DLEC1: variants seen among roughly 807,000 people sequenced by gnomAD.
The protein encoded by DLEC1 is deleted in lung and esophageal cancer protein 1.
In DLEC1, 146 loss-of-function variants were observed where a neutral mutation model predicts 198.1. The ratio of observed to expected loss-of-function variants is 0.74; its 90% CI spans 0.64 to 0.85. The LOEUF (loss-of-function observed/expected upper bound fraction) is 0.85, where lower values mean the gene tolerates loss of function less well. Ranked by LOEUF, DLEC1 falls within the 40% of genes least tolerant of loss-of-function variation. The pLI, the probability that DLEC1 is intolerant of heterozygous loss-of-function variation, is 0.00. For missense variants in DLEC1, 2,233 were observed against 2,220.0 expected, an observed-to-expected ratio of 1.01 and a Z score of -0.12; for synonymous variants, 897 against 866.8, an observed-to-expected ratio of 1.03 and a Z score of -0.61.
intron 6 of DLEC1, among the ~76,000 whole-genome samples, chr3:38,079,781 C>T (rs1697862241): frequency 6.6e-6 from 1 of 152,206 alleles, no homozygotes; most frequent in Non-Finnish European, 1.5e-5. Flanking sequence ...TGCCTGGCTG[C>T]TGCGGTTCAG....
intron 1 of DLEC1, among the ~76,000 whole-genome samples, chr3:38,042,552 C>CTTTTTTTT (rs71635860): frequency 1.9e-5 from 2 of 104,758 alleles, no homozygotes; most frequent in African/African-American, 3.7e-5. Flanking sequence ...ATGTTGCTGG[C>CTTTTTTTT]TTTTTTTTTT....
At chr3:38,091,241 A>G (rs1380093713) in intron 10 of DLEC1, among the ~76,000 whole-genome samples, 3 of 152,074 alleles carry the variant, frequency 2.0e-5, no homozygotes, top group African/African-American at 7.2e-5. Context: ...AGGTGGGAGG[A>G]TTTCTTGAGC....
intron 1 of DLEC1, among the ~76,000 whole-genome samples, chr3:38,044,608 C>G (rs1700801514): frequency 6.6e-6 from 1 of 152,084 alleles, no homozygotes; most frequent in Non-Finnish European, 1.5e-5. Context: ...GAAACAGGGT[C>G]TCACTGTGTT....
At chr3:38,063,970 T>A in intron 6 of DLEC1, 51 bp downstream of exon 6, 1 of 1,282,570 alleles carries the variant, frequency 7.8e-7, no homozygotes, top group Non-Finnish European at 1.1e-6. Context: ...TTCTTATTTT[T>A]AAAAAGTCTT....
chr3:38,064,007 C>CTTTTTTTTTTTTTTTTTTTG (rs71094947), intron 6 of DLEC1, 88 bp downstream of exon 6: 1 of 417,588 alleles, frequency 2.4e-6, no homozygotes, highest in Non-Finnish European at 3.7e-6. Flanking sequence ...TTTTTTTTTT[C>CTTTTTTTTTTTTTTTTTTTG]TTTTTTTTTT....
chr3:38,040,645 C>T (rs1414412169), intron 1 of DLEC1, among the ~76,000 whole-genome samples: 1 of 152,156 alleles, frequency 6.6e-6, no homozygotes, highest in African/African-American at 2.4e-5. Flanking sequence ...AGACCTTGCC[C>T]TTGAACTTCA....
At chr3:38,039,658 G>A (rs1339530664) in intron 1 of DLEC1, 22 bp downstream of exon 1, 1 of 1,580,138 alleles carries the variant, frequency 6.3e-7, no homozygotes, top group Non-Finnish European at 8.6e-7. Context: ...GTGGCGTCGC[G>A]TCTGCGGACG....
intron 15 of DLEC1, 116 bp downstream of exon 15, chr3:38,096,853 G>A (rs1699049445): frequency 6.2e-6 from 8 of 1,282,232 alleles, no homozygotes; most frequent in Admixed American, 2.3e-5. Flanking sequence ...TGGAGGCTGA[G>A]GCCATTCCCA....
rs747269230 is a variant in DLEC1 at position 38,085,296 on chromosome 3, A to C, written c.1284A>C (p.Gly428=). ...CAGGGATGTTCCCAGGAAAAGGTGG[A>C]ATGGTGGCTCCTGGAATGACCTGCC... is the stretch of plus-strand genomic sequence containing the variant. ...LGLGMFPGKG[G]MVAPGMTCQY... is the part of the protein sequence containing the mutation. Residue 428 remains glycine (G), a synonymous_variant, in exon 8 of 37, where the codon GGA becomes GGC. Transcript: ENST00000308059. The C allele has an allele frequency of 6.2e-7, 1 of 1,614,096 alleles. No individual in the cohort carries two copies. The highest frequency in any genetic ancestry group is 1.7e-5 in the Admixed American group (1 of 60,016).
chr3:38,061,707 G>T (rs182518516), intron 3 of DLEC1, among the ~76,000 whole-genome samples: 227 of 152,208 alleles, frequency 1.5e-3, no homozygotes, highest in Non-Finnish European at 2.2e-3. Flanking sequence ...TTGCTTTGTT[G>T]CCCAGGCTGG....
In DLEC1 at chr3:38,107,684, A is replaced by G; in HGVS notation, c.2965A>G (p.Thr989Ala). 1.2e-6 allele frequency: 2 copies of G among 1,614,070 alleles called. No homozygotes were observed. Among genetic ancestry groups the G allele is most frequent in the Non-Finnish European group, 1.7e-6 (2 of 1,179,998 alleles). The change falls in exon 20 of 37, where the codon ACC (threonine) becomes GCC (alanine). Residue 989 changes from threonine (T) to alanine (A), a missense_variant. Physicochemically the swap from Thr to Ala is moderately conservative, Grantham distance 58 (BLOSUM62 0). Coordinates refer to ENST00000308059, the MANE Select transcript of DLEC1 (RefSeq NM_007335.4). ...NLYLGVPTKT[T>A]ITLINGTLLP... is the part of the protein sequence containing the mutation. ...CTACCTGGGTGTGCCCACGAAGACA[A>G]CCATCACACTTATCAATGGCACGCT...
rs147324506 is a variant in DLEC1 at position 38,040,862 on chromosome 3, C to T, written c.411+1226C>T. On this transcript the variant is annotated intron_variant, in intron 1 of 36. Coordinates refer to ENST00000308059, the MANE Select transcript of DLEC1 (RefSeq NM_007335.4). ...ACATATTACAAATTTTTTTTTTTGA[C>T]AGAGTCTGGCTCTGTTGCCCAGGCT... Among the ~76,000 whole-genome samples the T allele has an allele frequency of 2.9e-3, 441 of 151,300 alleles. 4 individuals are homozygous for T. The highest frequency in any genetic ancestry group is 0.01 in the African/African-American group (425 of 41,206).
At chr3:38,115,549 G>C (rs909814554) in intron 27 of DLEC1, among the ~76,000 whole-genome samples, 3 of 152,182 alleles carry the variant, frequency 2.0e-5, no homozygotes, top group African/African-American at 7.2e-5. Flanking sequence ...AGCATGTGGG[G>C]GCAAAGAGTG....
In DLEC1 at chr3:38,123,230, AC is replaced by A; in HGVS notation, c.*820del. The A allele has an allele frequency of 1.8e-6, 2 of 1,103,954 alleles. No homozygotes were observed. Among genetic ancestry groups the A allele is most frequent in the Non-Finnish European group, 2.7e-6 (2 of 731,214 alleles). The allele number at this position is 1,103,954 out of a possible 1,614,324, so 68.4% of individuals were successfully genotyped here. On this transcript the variant is annotated 3_prime_UTR_variant, in exon 37 of 37. Transcript: ENST00000308059. ...GACAAGTAGGATGCAAAACCATCAG[AC>A]CAGATCTGTGGGCAAGCGGTACCCT...
rs201497931 is a variant in DLEC1 at position 38,116,668 on chromosome 3, G to A, written c.4062+10G>A. On this transcript the variant is annotated intron_variant, in intron 28 of 36. Coordinates refer to ENST00000308059, the MANE Select transcript of DLEC1 (RefSeq NM_007335.4). Reference sequence around the variant, plus strand: ...TGAAACTGACTCATCAGTGAGCAGGGGTGGAGGGGCGGGGCAGGCTGGCCA... The same window carrying A: ...TGAAACTGACTCATCAGTGAGCAGGAGTGGAGGGGCGGGGCAGGCTGGCCA... 18 of 1,613,626 alleles carry A rather than the reference G, an allele frequency of 1.1e-5. No individual in the cohort carries two copies. Among genetic ancestry groups the A allele is most frequent in the Non-Finnish European group, 1.4e-5 (17 of 1,179,666 alleles).
intron 19 of DLEC1, chr3:38,103,623 G>T (rs986562865): frequency 6.6e-6 from 1 of 152,216 alleles, no homozygotes; most frequent in African/African-American, 2.4e-5. Flanking sequence ...TTCTGCCTGT[G>T]TCAGCTTTGA....
At chr3:38,058,093 T>C (rs1364664548) in intron 2 of DLEC1, among the ~76,000 whole-genome samples, 1 of 152,160 alleles carries the variant, frequency 6.6e-6, no homozygotes, top group Non-Finnish European at 1.5e-5. Flanking sequence ...TGAGCCACCG[T>C]GCCCGGCCCA....
Position 38,062,663 on chromosome 3 carries a change from GA to G in DLEC1, c.958del (p.Met320TrpfsTer8). 6.2e-7 allele frequency: 1 copy of G among 1,614,100 alleles called. No individual in the cohort carries two copies. Among genetic ancestry groups the G allele is most frequent in the Non-Finnish European group, 8.5e-7 (1 of 1,180,020 alleles). ...QRELDRLLLA[R>X]MESRNHFLKN... Reference sequence around the variant, plus strand: ...GAGCTAGACAGACTTCTGCTTGCCAGAATGGAGAGTCGGAACCACTTCCTAA... The same window carrying G: ...GAGCTAGACAGACTTCTGCTTGCCAGATGGAGAGTCGGAACCACTTCCTAA... On this transcript the variant is annotated frameshift_variant, in exon 5 of 37. Coordinates refer to ENST00000308059, the MANE Select transcript of DLEC1 (RefSeq NM_007335.4). LOFTEE classifies it high-confidence loss of function.
Position 38,097,169 on chromosome 3 carries a change from G to A in DLEC1, c.2341-13G>A, listed in dbSNP as rs766003839. On this transcript the variant is annotated splice_polypyrimidine_tract_variant and intron_variant, in intron 15 of 36. Coordinates refer to ENST00000308059, the MANE Select transcript of DLEC1 (RefSeq NM_007335.4). ...GGCAGTAAATGGGCAGCCTGGTCTC[G>A]GGTGTCTTTCAGATGTGGAACAACA... 14 of 1,559,720 alleles carry A rather than the reference G, an allele frequency of 9.0e-6. No homozygotes were observed. Among genetic ancestry groups the A allele is most frequent in the Admixed American group, 5.7e-5 (3 of 52,302 alleles).
Sources: allele counts gnomAD v4.1 joint callset (sites outside exome capture counted in the v4.1 genomes callset), GRCh38; gene constraint gnomAD v4.1.1; transcripts MANE v1.5; gene names NCBI Gene and HGNC (gene_info 2026-07-23, HGNC 2026-07-21).